The following PTH2R variants were observed in gnomAD, a reference collection of about 807,000 sequenced individuals.
PTH2R encodes the protein PTH2 receptor.
A neutral mutation model predicts 60.3 loss-of-function variants in PTH2R; 59 were observed. That is an observed-to-expected ratio of 0.98 (90% CI 0.79 to 1.22). The LOEUF is 1.22. PTH2R is among the 50% of genes most tolerant of loss of function. PTH2R has a pLI of 0.00. For synonymous variants in PTH2R, 256 were observed against 243.8 expected, an observed-to-expected ratio of 1.05 and a Z score of -0.47; for missense variants, 749 against 682.6, an observed-to-expected ratio of 1.10 and a Z score of -1.08.
At chr2:208,420,417 T>C (rs1449781044) in intron 1 of PTH2R, among the ~76,000 whole-genome samples, 1 of 152,204 alleles carries the variant, frequency 6.6e-6, no homozygotes. Context: ...ATGAGGCTAT[T>C]TTTTCCACAC....
intron 1 of PTH2R, among the ~76,000 whole-genome samples, chr2:208,387,055 A>C (rs1701016001): frequency 6.6e-6 from 1 of 151,972 alleles, no homozygotes; most frequent in Non-Finnish European, 1.5e-5. Flanking sequence ...TTACTTTTTA[A>C]TTTTTAAACT....
At chr2:208,422,596 A>G (rs1467654308) in intron 1 of PTH2R, among the ~76,000 whole-genome samples, 1 of 152,230 alleles carries the variant, frequency 6.6e-6, no homozygotes, top group East Asian at 1.9e-4. Context: ...CACCTGTGGT[A>G]GATTCTCATT....
At chr2:208,480,583 G>A (rs897084) in intron 9 of PTH2R, among the ~76,000 whole-genome samples, 124,750 of 152,054 alleles carry the variant, frequency 0.82, 51,833 homozygotes, top group African/African-American at 0.94. Flanking sequence ...CTTTTCTTAT[G>A]TAACATCTTA....
At position 208,453,769 on chromosome 2, in the gene PTH2R, A is replaced by G. The variant is rs180924786; in HGVS notation, c.914+2960A>G. On this transcript the variant is annotated intron_variant, in intron 8 of 12. Transcript: ENST00000272847. ...TCAGTCTTCCATCTGTGAGATGAGAATAATATTCTTGGCCATGACTAATGC... is the reference window on the plus strand; with the variant it reads ...TCAGTCTTCCATCTGTGAGATGAGAGTAATATTCTTGGCCATGACTAATGC... 4.6e-4 allele frequency among the ~76,000 whole-genome samples: 70 copies of G among 152,338 alleles called. 1 individual carries two copies. Among genetic ancestry groups the G allele is most frequent in the Admixed American group, 2.1e-3 (32 of 15,304 alleles).
upstream of PTH2R, among the ~76,000 whole-genome samples, chr2:208,405,762 G>A (rs922257906): frequency 5.3e-5 from 8 of 152,132 alleles, no homozygotes; most frequent in African/African-American, 1.9e-4. Context: ...TGGCTTATTA[G>A]GCATGGACTT....
At chr2:208,459,412 G>T (rs750441531) in intron 8 of PTH2R, among the ~76,000 whole-genome samples, 1 of 152,044 alleles carries the variant, frequency 6.6e-6, no homozygotes, top group Non-Finnish European at 1.5e-5. Flanking sequence ...AATAGTTTGC[G>T]TTCATTTTCT....
chr2:208,417,541 CTTTTTTTTTTT>C (rs56354728), intron 1 of PTH2R, among the ~76,000 whole-genome samples: 27 of 87,914 alleles, frequency 3.1e-4, no homozygotes, highest in East Asian at 1.0e-3. Flanking sequence ...AGGTGGGAAT[CTTTTTTTTTTT>C]TTTTTTTTTT....
chr2:208,451,949 C>T (rs757502088), intron 8 of PTH2R, among the ~76,000 whole-genome samples: 1 of 152,064 alleles, frequency 6.6e-6, no homozygotes, highest in African/African-American at 2.4e-5. Context: ...TTTGACAGAC[C>T]TGAGTTCAAA....
chr2:208,368,437 C>T (rs1700634297), intron 1 of PTH2R, among the ~76,000 whole-genome samples: 1 of 152,230 alleles, frequency 6.6e-6, no homozygotes, highest in African/African-American at 2.4e-5. Flanking sequence ...CACCATTCAC[C>T]TCTCTGTTCT....
chr2:208,428,579 G>C (rs1315566023), intron 2 of PTH2R, among the ~76,000 whole-genome samples: 1 of 152,220 alleles, frequency 6.6e-6, no homozygotes, highest in Non-Finnish European at 1.5e-5. Flanking sequence ...TTCAGGGTTT[G>C]TCTGCCTGTA....
intron 1 of PTH2R, among the ~76,000 whole-genome samples, chr2:208,365,938 ATATATATATATATATATATATATT>A (rs1559198719): frequency 2.8e-4 from 3 of 10,538 alleles, no homozygotes; most frequent in South Asian, 4.1e-3. Flanking sequence ...AAATATATAT[ATATATATATATATATATATATATT>A]TTTTTTTTTT....
chr2:208,442,216 C>T (rs62193679), intron 4 of PTH2R, 148 bp from the exon 5 acceptor site: 16,203 of 630,632 alleles, frequency 0.026, 270 homozygotes, highest in Non-Finnish European at 0.035. Flanking sequence ...ATGCTCACTC[C>T]AGATCTCTAC....
intron 10 of PTH2R, among the ~76,000 whole-genome samples, chr2:208,481,992 T>C (rs1703163667): frequency 6.6e-6 from 1 of 152,210 alleles, no homozygotes; most frequent in Admixed American, 6.5e-5. Flanking sequence ...ATTTTGGAAA[T>C]TCTGAATATT....
At chr2:208,400,480 A>T (rs1701287758) in intron 1 of PTH2R, among the ~76,000 whole-genome samples, 1 of 152,172 alleles carries the variant, frequency 6.6e-6, no homozygotes, top group African/African-American at 2.4e-5. Flanking sequence ...TTCTCATTAG[A>T]ATGTCTTTTT....
chr2:208,368,499 C>G (rs551616095), intron 1 of PTH2R, among the ~76,000 whole-genome samples: 1 of 152,160 alleles, frequency 6.6e-6, no homozygotes, highest in Non-Finnish European at 1.5e-5. Flanking sequence ...CTTGCCTCAA[C>G]TAACCCTTAA....
At chr2:208,405,044 A>T (rs1701376364), upstream of PTH2R, among the ~76,000 whole-genome samples, 1 of 152,194 alleles carries the variant, frequency 6.6e-6, no homozygotes, top group Non-Finnish European at 1.5e-5. Context: ...CCTTACATGG[A>T]GCTAAAGTTG....
chr2:208,375,425 G>A lies in PTH2R; in HGVS notation c.-259+15188G>A, dbSNP rs146357743. ...ACACCTAAATGTCATTCCACTCAAAGCCCATTATTAATAATTTGAAACTGT... is the reference window on the plus strand; with the variant it reads ...ACACCTAAATGTCATTCCACTCAAAACCCATTATTAATAATTTGAAACTGT... On this transcript the variant is annotated intron_variant, in intron 1 of 12. Coordinates refer to the PTH2R transcript ENST00000617735. Among the ~76,000 whole-genome samples, 13 of 152,210 alleles carry A rather than the reference G, an allele frequency of 8.5e-5. No individual in the cohort carries two copies. The East Asian group carries it at 2.3e-3, about 27-fold the overall frequency.
At chr2:208,477,219 AG>A (rs1703024699) in intron 9 of PTH2R, among the ~76,000 whole-genome samples, 1 of 152,180 alleles carries the variant, frequency 6.6e-6, no homozygotes, top group African/African-American at 2.4e-5. Context: ...CCACAGCTAA[AG>A]TTTAGTGAGT....
chr2:208,378,266 G>C (rs1436461309), intron 1 of PTH2R, among the ~76,000 whole-genome samples: 5 of 150,174 alleles, frequency 3.3e-5, no homozygotes, highest in African/African-American at 7.3e-5. Context: ...CCAGGCACTC[G>C]GCAGGCTGAG....
Sources: gnomAD v4.1 joint callset for allele counts (sites outside exome capture counted in the v4.1 genomes callset) on GRCh38, gnomAD v4.1.1 for gene constraint, MANE v1.5 for transcripts, NCBI Gene and HGNC (gene_info 2026-07-23, HGNC 2026-07-21) for gene names.